Variants in WDR3 observed in about 807,000 individuals in gnomAD.
WDR3 encodes WD repeat domain 3, also known as WD repeat-containing protein 3.
In WDR3, 81 loss-of-function variants were observed where a neutral mutation model predicts 123.7. The ratio of observed to expected loss-of-function variants is 0.65; its 90% CI spans 0.55 to 0.79. The LOEUF is 0.79. Ranked by LOEUF, WDR3 falls within the 30% of genes least tolerant of loss-of-function variation. WDR3 has a pLI of 0.00. For missense variants in WDR3, 1,027 were observed against 1,123.2 expected, an observed-to-expected ratio of 0.91 and a Z score of 1.22; for synonymous variants, 390 against 388.8, an observed-to-expected ratio of 1.00 and a Z score of -0.04.
At chr1:117,939,238 T>G (rs1651055222) in intron 5 of WDR3, among the ~76,000 whole-genome samples, 1 of 152,232 alleles carries the variant, frequency 6.6e-6, no homozygotes, top group African/African-American at 2.4e-5. Context: ...AATTTGATTA[T>G]ACGAGGTTAG....
Position 117,959,622 on chromosome 1 carries a change from G to A in WDR3, c.*175G>A. 1.7e-6 allele frequency: 1 copy of A among 585,734 alleles called. No individual in the cohort carries two copies. 36.3% of individuals were successfully genotyped at this position (585,734 alleles called of 1,614,324 possible). A position where few individuals can be genotyped will look rare whatever the true frequency, so the allele number is the denominator to read the frequency against. On this transcript the variant is annotated 3_prime_UTR_variant, in exon 27 of 27. Transcript: ENST00000349139. ...GAGGGAATTCCAACATGAGATTATG[G>A]GCTGGCTCCATTTCTTGGACTTAAA...
Position 117,952,066 on chromosome 1 carries a change from C to A in WDR3, c.1894C>A (p.His632Asn). Residue 632 changes from histidine to asparagine, a missense_variant, in exon 17 of 27, where the codon CAT becomes AAT. Coordinates refer to ENST00000349139, the MANE Select transcript of WDR3 (RefSeq NM_006784.3). ...GGACTGCCACAAGTCTCTCTTTGCA[C>A]ATGATGACAGGTATGTATAGTCTTT... Reference protein sequence around the residue: ...FGDCHKSLFAHDDSVMYLQFV... With the variant: ...FGDCHKSLFANDDSVMYLQFV... 6.2e-7 allele frequency: 1 copy of A among 1,613,238 alleles called. No homozygotes were observed. The highest frequency in any genetic ancestry group is 8.5e-7 in the Non-Finnish European group (1 of 1,179,374).
intron 15 of WDR3, 49 bp downstream of exon 15, chr1:117,950,179 T>G: frequency 6.2e-7 from 1 of 1,605,390 alleles, no homozygotes; most frequent in Non-Finnish European, 8.5e-7. Flanking sequence ...CTGACTGACC[T>G]TAAGAATTTG....
rs1288529310 is a variant in WDR3 at position 117,957,172 on chromosome 1, G to A, written c.2558G>A (p.Cys853Tyr). 1 of 1,611,548 alleles carries A rather than the reference G, an allele frequency of 6.2e-7. No individual in the cohort carries two copies. Among genetic ancestry groups the A allele is most frequent in the Admixed American group, 1.7e-5 (1 of 59,570 alleles). ...IQLGSDVELICRCLFFLLRIH... is the reference protein window; with the variant it reads ...IQLGSDVELIYRCLFFLLRIH... ...CTGGGCTCTGATGTTGAACTTATAT[G>A]CCGGTGCCTCTTCTTCCTCCTTAGG... Residue 853 changes from cysteine (C) to tyrosine (Y), a missense_variant, in exon 25 of 27, where the codon TGC becomes TAC. Physicochemically the swap from Cys to Tyr is radical, Grantham distance 194. Transcript: ENST00000349139.
intron 16 of WDR3, among the ~76,000 whole-genome samples, chr1:117,951,206 CT>C (rs1455971852): frequency 6.6e-6 from 1 of 151,848 alleles, no homozygotes; most frequent in Non-Finnish European, 1.5e-5. Context: ...ATATGAAAGA[CT>C]TTAAAAAGGC....
Position 117,950,027 on chromosome 1 carries a change from T to C in WDR3, c.1643T>C (p.Leu548Pro). 1 of 1,614,088 alleles carries C rather than the reference T, an allele frequency of 6.2e-7. No homozygotes were observed. The highest frequency in any genetic ancestry group is 8.5e-7 in the Non-Finnish European group (1 of 1,179,952). Residue 548 changes from leucine to proline, a missense_variant, in exon 15 of 27, where the codon CTA becomes CCA. By Grantham distance (98) the Leu-to-Pro change is moderately conservative. Coordinates refer to ENST00000349139, the MANE Select transcript of WDR3 (RefSeq NM_006784.3). ...LSVKQTRTLQLDEDVLCVSYS... is the reference protein window; with the variant it reads ...LSVKQTRTLQPDEDVLCVSYS... ...GTGAAGCAAACCCGAACTTTGCAACTAGATGAAGATGTTCTGTGTGTCAGT... is the reference window on the plus strand; with the variant it reads ...GTGAAGCAAACCCGAACTTTGCAACCAGATGAAGATGTTCTGTGTGTCAGT...
At chr1:117,948,292 A>G (rs2101214688) in intron 12 of WDR3, 113 bp from the exon 13 acceptor site, 1 of 789,266 alleles carries the variant, frequency 1.3e-6, no homozygotes, top group East Asian at 2.7e-5. Context: ...TTCCTAAGCA[A>G]TGGATCACAT....
In WDR3 at chr1:117,950,852, G is replaced by A. The variant is rs1158033735; in HGVS notation, c.1765G>A (p.Gly589Arg). 5 of 1,608,220 alleles carry A rather than the reference G, an allele frequency of 3.1e-6. No individual in the cohort carries two copies. The East Asian group carries it at 1.1e-4, about 36-fold the overall frequency. The change falls in exon 16 of 27, where the codon GGA becomes AGA. Residue 589 changes from glycine to arginine, a missense_variant. Gly to Arg is a moderately radical substitution (Grantham distance 125). Transcript: ENST00000349139. Reference sequence around the variant, plus strand: ...TGTTTAGTTTTTTCTGTCACTGTATGGACACAAACTGCCTGTTATATGCAT... The same window carrying A: ...TGTTTAGTTTTTTCTGTCACTGTATAGACACAAACTGCCTGTTATATGCAT... Reference protein sequence around the residue: ...DTLKFFLSLYGHKLPVICMDI... With the variant: ...DTLKFFLSLYRHKLPVICMDI...
At position 117,946,229 on chromosome 1, in the gene WDR3, C is replaced by T. The variant is rs1651375146; in HGVS notation, c.1422+50C>T. 5 of 1,474,120 alleles carry T rather than the reference C, an allele frequency of 3.4e-6. No individual in the cohort carries two copies. The East Asian group carries it at 1.2e-4, about 34-fold the overall frequency. The allele number at this position is 1,474,120 out of a possible 1,614,324, so 91.3% of individuals were successfully genotyped here. A position where few individuals can be genotyped will look rare whatever the true frequency, so the allele number is the denominator to read the frequency against. On this transcript the variant is annotated intron_variant, in intron 12 of 26. Coordinates refer to ENST00000349139, the MANE Select transcript of WDR3 (RefSeq NM_006784.3). ...ATCTGGATCTTTTCTACTCAAAATT[C>T]ATAAAGTTAAGAAATCTGGTTCTTC...
In WDR3 at chr1:117,963,690, C is replaced by T; in HGVS notation, c.*4243C>T. 1 of 1,022,440 alleles carries T rather than the reference C, an allele frequency of 9.8e-7. No individual in the cohort carries two copies. The highest frequency in any genetic ancestry group is 1.4e-6 in the Non-Finnish European group (1 of 713,420). The allele number at this position is 1,022,440 out of a possible 1,614,324, so 63.3% of individuals were successfully genotyped here. A position where few individuals can be genotyped will look rare whatever the true frequency, so the allele number is the denominator to read the frequency against. On this transcript the variant is annotated 3_prime_UTR_variant, in exon 27 of 27. Transcript: ENST00000349139. ...AAACAAATATTTTCATTCATTCAGG[C>T]CAGGTGGCTTATAGGTTTCTGACTA... is the stretch of plus-strand genomic sequence containing the variant.
intron 20 of WDR3, among the ~76,000 whole-genome samples, 160 bp from the exon 21 acceptor site, chr1:117,953,316 C>A (rs1352124425): frequency 2.6e-5 from 4 of 152,120 alleles, no homozygotes; most frequent in Non-Finnish European, 5.9e-5. Context: ...GATGTTCTTA[C>A]AATAATACAT....
intron 12 of WDR3, among the ~76,000 whole-genome samples, chr1:117,946,591 G>T (rs987688129): frequency 1.3e-5 from 2 of 152,140 alleles, no homozygotes; most frequent in Non-Finnish European, 1.5e-5. Context: ...CAGATTGGGA[G>T]ACAACCATGT....
At chr1:117,947,785 A>G (rs74114917) in intron 12 of WDR3, among the ~76,000 whole-genome samples, 6,680 of 152,284 alleles carry the variant, frequency 0.044, 313 homozygotes, top group South Asian at 0.12. Flanking sequence ...TCATCGTAAA[A>G]CAGGCTTTGC....
At chr1:117,938,413 A>G in intron 4 of WDR3, 67 bp from the exon 5 acceptor site, 4 of 1,279,462 alleles carry the variant, frequency 3.1e-6, no homozygotes, top group Non-Finnish European at 4.5e-6. Flanking sequence ...TGAGTTTTGG[A>G]TCTCCCTATT....
chr1:117,952,330 C>T lies in WDR3; in HGVS notation c.1938C>T (p.His646=). ...VMYLQFVPKS[H]LFFTAGKDHK... ...ACCTACAGTTTGTACCCAAGTCTCA[C>T]CTCTTCTTCACTGCCGGAAAAGATC... is the stretch of plus-strand genomic sequence containing the variant. Residue 646 remains histidine, a synonymous_variant, in exon 18 of 27, where the codon CAC becomes CAT. Coordinates refer to ENST00000349139, the MANE Select transcript of WDR3 (RefSeq NM_006784.3). 6.2e-7 allele frequency: 1 copy of T among 1,613,292 alleles called. No homozygotes were observed. Among genetic ancestry groups the T allele is most frequent in the Non-Finnish European group, 8.5e-7 (1 of 1,179,484 alleles).
chr1:117,956,270 G>A (rs1347311463), intron 24 of WDR3, among the ~76,000 whole-genome samples: 2 of 151,868 alleles, frequency 1.3e-5, no homozygotes, highest in African/African-American at 4.8e-5. Flanking sequence ...GACCAGCCTG[G>A]GCACCATACT....
At position 117,949,810 on chromosome 1, in the gene WDR3, G is replaced by C. The variant is rs1237918394; in HGVS notation, c.1584G>C (p.Val528=). 2 of 1,613,884 alleles carry C rather than the reference G, an allele frequency of 1.2e-6. No individual in the cohort carries two copies. Among genetic ancestry groups the C allele is most frequent in the East Asian group, 2.2e-5 (1 of 44,866 alleles). ...TCAAATTCTGGGATTTTGAGTTAGTGAAAGATGAAAATAGTACCCAAAAGA... is the reference window on the plus strand; with the variant it reads ...TCAAATTCTGGGATTTTGAGTTAGTCAAAGATGAAAATAGTACCCAAAAGA... ...KSVKFWDFEL[V]KDENSTQKRL... is the part of the protein sequence containing the mutation. The change falls in exon 14 of 27, where the codon GTG becomes GTC. Residue 528 remains valine (V), a synonymous_variant. Coordinates refer to ENST00000349139, the MANE Select transcript of WDR3 (RefSeq NM_006784.3).
At chr1:117,946,263 A>T in intron 12 of WDR3, 84 bp downstream of exon 12, 3 of 1,078,136 alleles carry the variant, frequency 2.8e-6, no homozygotes. Context: ...TCTTTTTAGC[A>T]TATTGGAAAT....
chr1:117,934,537 A>G lies in WDR3; in HGVS notation c.236A>G (p.His79Arg), dbSNP rs772788857. The change falls in exon 3 of 27, where the codon CAC becomes CGC. Residue 79 changes from histidine to arginine, a missense_variant. Transcript: ENST00000349139. ...TTATGCCCCTCCCCAGATGGGCTAC[A>G]CTTAGCTGTTGGGTATGAGGATGGG... ...TCLCPSPDGL[H>R]LAVGYEDGSI... 2.5e-5 allele frequency: 40 copies of G among 1,613,986 alleles called. No homozygotes were observed. Among genetic ancestry groups the G allele is most frequent in the Non-Finnish European group, 3.1e-5 (36 of 1,180,020 alleles).
Sources: gnomAD v4.1 joint callset for allele counts (sites outside exome capture counted in the v4.1 genomes callset) on GRCh38, gnomAD v4.1.1 for gene constraint, MANE v1.5 for transcripts, NCBI Gene and HGNC (gene_info 2026-07-23, HGNC 2026-07-21) for gene names.